Variants in PLSCR2 observed in about 807,000 individuals in gnomAD.
PLSCR2 encodes phospholipid scramblase 2.
PLSCR2 carries 18 observed loss-of-function variants against 25.3 expected under a neutral mutation model. The ratio of observed to expected loss-of-function variants is 0.71; its 90% CI spans 0.49 to 1.06. The LOEUF is 1.06. Among genes scored for constraint, PLSCR2 ranks in the 50% least tolerant of loss-of-function variants. The pLI is 0.00. For synonymous variants in PLSCR2, 88 were observed against 87.3 expected (o/e 1.01, Z -0.04); for missense variants, 243 against 269.5 (o/e 0.90, Z 0.69).
At chr3:146,489,837 T>C (rs967086709) in intron 1 of PLSCR2, among the ~76,000 whole-genome samples, 1 of 152,104 alleles carries the variant, frequency 6.6e-6, no homozygotes, top group African/African-American at 2.4e-5. Flanking sequence ...AGCTACCTTT[T>C]TCCATGTAGG....
At chr3:146,463,946 T>G (rs2041743769), upstream of PLSCR2, 4 of 981,680 alleles carry the variant, frequency 4.1e-6, no homozygotes, top group African/African-American at 1.7e-5. Context: ...TTACATCTAC[T>G]CAAGAAGTTC....
chr3:146,455,854 A>G (rs1197035846), intron 3 of PLSCR2, among the ~76,000 whole-genome samples: 1 of 152,190 alleles, frequency 6.6e-6, no homozygotes, highest in Non-Finnish European at 1.5e-5. Context: ...GATGATTGCA[A>G]AAAATACTAT....
At chr3:146,414,895 C>T (rs2038960807) in intron 2 of PLSCR2, among the ~76,000 whole-genome samples, 1 of 152,140 alleles carries the variant, frequency 6.6e-6, no homozygotes, top group Admixed American at 6.5e-5. Flanking sequence ...AAGGGCAGAC[C>T]AGAATTTTCA....
chr3:146,484,492 A>C (rs1178093345), intron 1 of PLSCR2, among the ~76,000 whole-genome samples: 1 of 152,096 alleles, frequency 6.6e-6, no homozygotes, highest in African/African-American at 2.4e-5. Flanking sequence ...TAATCGTCAG[A>C]TTCTCCAAGG....
upstream of PLSCR2, chr3:146,463,960 A>T: frequency 4.1e-6 from 4 of 984,394 alleles, no homozygotes; most frequent in Non-Finnish European, 4.8e-6. Context: ...GAAGTTCAGC[A>T]AAGGTTGAAT....
chr3:146,403,109 TAC>T (rs2038534166), intron 2 of PLSCR2, among the ~76,000 whole-genome samples: 1 of 150,812 alleles, frequency 6.6e-6, no homozygotes, highest in African/African-American at 2.4e-5. Context: ...TTCAGAGATA[TAC>T]AAAGCAAATA....
downstream of PLSCR2, among the ~76,000 whole-genome samples, chr3:146,429,063 T>C (rs971283355): frequency 3.9e-5 from 6 of 152,228 alleles, no homozygotes; most frequent in Non-Finnish European, 8.8e-5. Context: ...TTAATCCATT[T>C]TGCATTGCTT....
intron 2 of PLSCR2, among the ~76,000 whole-genome samples, chr3:146,414,440 CATAAA>C (rs2038950996): frequency 6.6e-6 from 1 of 152,008 alleles, no homozygotes; most frequent in Admixed American, 6.6e-5. Flanking sequence ...AATGATCTTG[CATAAA>C]ATAAAACAAT....
At chr3:146,454,810 T>C (rs116153057) in intron 4 of PLSCR2, among the ~76,000 whole-genome samples, 2,607 of 152,274 alleles carry the variant, frequency 0.017, 74 homozygotes, top group African/African-American at 0.06. Context: ...GGTTTGTCCC[T>C]TACTAGGTTG....
intron 2 of PLSCR2, among the ~76,000 whole-genome samples, chr3:146,403,169 C>G (rs1051021705): frequency 4.6e-5 from 7 of 151,610 alleles, no homozygotes; most frequent in Middle Eastern, 3.2e-3. Flanking sequence ...CACACATGCA[C>G]ACTCCTAACT....
In PLSCR2 at chr3:146,404,359, C is replaced by T. The variant is rs145645869; in HGVS notation, c.101-8438G>A. ...AAGAGAAGGAAGGAAGGGGTCCAAA[C>T]TCATCCTTTTATTAGGAATCCACTC... On this transcript the variant is annotated intron_variant and NMD_transcript_variant, in intron 2 of 3. Coordinates refer to the PLSCR2 transcript ENST00000463633. 2.1e-3 allele frequency among the ~76,000 whole-genome samples: 320 copies of T among 152,272 alleles called. 1 individual carries two copies. The highest frequency in any genetic ancestry group is 4.0e-3 in the Non-Finnish European group (274 of 68,026).
chr3:146,495,824 G>A, intron 1 of PLSCR2: 2 of 1,181,524 alleles, frequency 1.7e-6, no homozygotes, highest in East Asian at 2.5e-5. Flanking sequence ...AAACAAAAGG[G>A]AGTATGTAGT....
At chr3:146,477,290 A>G (rs1413929498) in intron 1 of PLSCR2, among the ~76,000 whole-genome samples, 4 of 152,164 alleles carry the variant, frequency 2.6e-5, no homozygotes, top group Non-Finnish European at 2.9e-5. Flanking sequence ...GCGTTACCTC[A>G]CCTGGGAAGT....
At chr3:146,427,830 T>C (rs1245698882) in intron 2 of PLSCR2, among the ~76,000 whole-genome samples, 1 of 152,192 alleles carries the variant, frequency 6.6e-6, no homozygotes, top group Non-Finnish European at 1.5e-5. Flanking sequence ...TTGTTCATTA[T>C]TGAGGTCAAT....
Position 146,393,767 on chromosome 3 carries a change from C to CCACTG in PLSCR2, c.*145+1988_*145+1992dup, listed in dbSNP as rs370104629. 2.7e-3 allele frequency among the ~76,000 whole-genome samples: 400 copies of CCACTG among 145,676 alleles called. 5 individuals carry two copies. Among genetic ancestry groups the CCACTG allele is most frequent in the African/African-American group, 8.2e-3 (328 of 39,784 alleles). ...GAGGTTGCAGTGAGCTGAGATTGTGCCACTGCACTGCACTCCAGCCTGGCG... is the reference window on the plus strand; with the variant it reads ...GAGGTTGCAGTGAGCTGAGATTGTGCCACTGCACTGCACTGCACTCCAGCCTGGCG... On this transcript the variant is annotated intron_variant and NMD_transcript_variant, in intron 3 of 3. Transcript: ENST00000463633.
chr3:146,449,704 C>T (rs73865721), intron 5 of PLSCR2, among the ~76,000 whole-genome samples: 4,241 of 152,090 alleles, frequency 0.028, 221 homozygotes, highest in African/African-American at 0.096. Context: ...TGAAGTATTT[C>T]TTTGATATAA....
chr3:146,437,294 A>G (rs1279474385), downstream of PLSCR2, among the ~76,000 whole-genome samples: 7 of 152,142 alleles, frequency 4.6e-5, no homozygotes, highest in Non-Finnish European at 1.0e-4. Context: ...GCCTCATAAA[A>G]TGGGTTAGGG....
Position 146,412,130 on chromosome 3 carries a change from G to A in PLSCR2, c.101-16209C>T, listed in dbSNP as rs940786629. ...GGAAAAGGGAGAGTCTAAAAACAGG[G>A]TTAGTAAAAACAAGGTTGGGCATTA... On this transcript the variant is annotated intron_variant and NMD_transcript_variant, in intron 2 of 3. Transcript: ENST00000463633. Among the ~76,000 whole-genome samples, 8 of 152,132 alleles carry A rather than the reference G, an allele frequency of 5.3e-5. No homozygotes were observed. In the East Asian group the frequency reaches 1.3e-3, roughly 26 times the overall value.
intron 3 of PLSCR2, among the ~76,000 whole-genome samples, chr3:146,456,984 A>G (rs1458120395): frequency 6.6e-6 from 1 of 152,074 alleles, no homozygotes; most frequent in Non-Finnish European, 1.5e-5. Context: ...TTAATTATAT[A>G]TTCCATAAAA....
Sources: allele counts gnomAD v4.1 joint callset (sites outside exome capture counted in the v4.1 genomes callset), GRCh38; gene constraint gnomAD v4.1.1; transcripts MANE v1.5; gene names NCBI Gene and HGNC (gene_info 2026-07-23, HGNC 2026-07-21).